STK10: variants seen among roughly 807,000 people sequenced by gnomAD.
STK10 encodes the protein serine/threonine-protein kinase 10.
Under a neutral mutation model 113.8 loss-of-function variants are expected in STK10, and 78 were observed. The observed-to-expected ratio is 0.69, with a 90% CI of 0.57 to 0.83. The LOEUF (loss-of-function observed/expected upper bound fraction) is 0.83. Among genes scored for constraint, STK10 ranks in the 40% least tolerant of loss-of-function variants. The pLI is 0.00. For synonymous variants in STK10, 465 were observed against 494.7 expected (o/e 0.94, Z 0.80); for missense variants, 1,109 against 1,280.1 (o/e 0.87, Z 2.04).
At position 172,096,441 on chromosome 5, in the gene STK10, G is replaced by A. The variant is rs199947150; in HGVS notation, c.990C>T (p.Ala330=). ...DGRDEGEEED[A]VDAASTLENH... ...CTGGCCTTACGGAGGCGGCATCCAC[G>A]GCGTCCTCCTCTTCCCCCTCATCCC... Residue 330 remains alanine (A), a synonymous_variant, in exon 8 of 19, where the codon GCC becomes GCT. Transcript: ENST00000176763. 1.5e-5 allele frequency: 24 copies of A among 1,612,730 alleles called. No individual in the cohort carries two copies. The East Asian group carries it at 2.0e-4, about 13-fold the overall frequency.
At chr5:172,182,585 G>A (rs1222171438) in intron 1 of STK10, among the ~76,000 whole-genome samples, 3 of 131,308 alleles carry the variant, frequency 2.3e-5, no homozygotes, top group African/African-American at 6.1e-5. Flanking sequence ...CGGAGTTTTC[G>A]CTCTTTCACC....
At chr5:172,160,841 G>A (rs1390034987) in intron 1 of STK10, among the ~76,000 whole-genome samples, 1 of 152,218 alleles carries the variant, frequency 6.6e-6, no homozygotes, top group Admixed American at 6.5e-5. Flanking sequence ...AACTAGGGGA[G>A]TGGCACCAGA....
chr5:172,052,860 C>T, intron 18 of STK10, 69 bp downstream of exon 18: 3 of 1,493,040 alleles, frequency 2.0e-6, no homozygotes, highest in Non-Finnish European at 2.8e-6. Context: ...CTAACATGTC[C>T]TGGCCAGAGG....
At chr5:172,087,860 C>T (rs1768607378) in intron 10 of STK10, among the ~76,000 whole-genome samples, 1 of 102,016 alleles carries the variant, frequency 9.8e-6, no homozygotes, top group African/African-American at 4.8e-5. Context: ...GATCTCCTGA[C>T]CTCATGATCC....
intron 1 of STK10, among the ~76,000 whole-genome samples, chr5:172,182,246 T>G (rs1205988979): frequency 7.4e-6 from 1 of 135,236 alleles, no homozygotes; most frequent in Non-Finnish European, 1.5e-5. Flanking sequence ...GAGGTTGCGG[T>G]GAGCTGAGAT....
Position 172,122,280 on chromosome 5 carries a change from C to T in STK10, c.371-4650G>A, listed in dbSNP as rs1168030488. Among the ~76,000 whole-genome samples the T allele has an allele frequency of 3.6e-4, 54 of 152,040 alleles. 2 individuals carry two copies. The highest frequency in any genetic ancestry group is 3.5e-3 in the Admixed American group (54 of 15,260). ...GATAAACATATTCAGTCATGGAACC[C>T]CCATCACAATTTAGATACAAAATCC... On this transcript the variant is annotated intron_variant, in intron 3 of 18. Transcript: ENST00000176763.
At chr5:172,071,600 T>C (rs1768182825) in intron 12 of STK10, among the ~76,000 whole-genome samples, 1 of 152,118 alleles carries the variant, frequency 6.6e-6, no homozygotes, top group Non-Finnish European at 1.5e-5. Context: ...CAGTGACAAA[T>C]GAACAAGCAT....
chr5:172,048,362 C>T (rs1054191885), intron 18 of STK10, among the ~76,000 whole-genome samples: 4 of 149,370 alleles, frequency 2.7e-5, no homozygotes, highest in Non-Finnish European at 5.9e-5. Context: ...CCCCCACAAT[C>T]GTGTAAGCCA....
rs746523491 is a variant in STK10 at position 172,093,787 on chromosome 5, G to C, written c.1179C>G (p.Pro393=). ...TCTCATTTCCAGGGGCCACGACTGG[G>C]GGACTGGTGGTTTGGAGGGATCTGT... ...SGDRSLQTTS[P]PVVAPGNENG... is the part of the protein sequence containing the mutation. The change falls in exon 9 of 19, where the codon CCC becomes CCG. Residue 393 remains proline (P), a synonymous_variant. Transcript: ENST00000176763. The surrounding 1 kb of genome is among the most constrained non-coding windows in gnomAD (Gnocchi z 4.1). 3.7e-6 allele frequency: 6 copies of C among 1,609,036 alleles called. No homozygotes were observed. The highest frequency in any genetic ancestry group is 2.2e-5 in the East Asian group (1 of 44,736).
At position 172,057,434 on chromosome 5, in the gene STK10, A is replaced by T; in HGVS notation, c.2252T>A (p.Leu751Gln). Residue 751 changes from leucine (L) to glutamine (Q), a missense_variant, in exon 15 of 19, where the codon CTG (leucine) becomes CAG (glutamine). Physicochemically the swap from Leu to Gln is moderately radical, Grantham distance 113. Transcript: ENST00000176763. ...AALWEMEEHQ[L>Q]QERHQLVKQQ... ...CTTCACCAGCTGGTGCCTCTCCTGC[A>T]GCTGGTGCTCTTCCATCTCCCACAG... 6.4e-7 allele frequency: 1 copy of T among 1,551,146 alleles called. No individual in the cohort carries two copies. Among genetic ancestry groups the T allele is most frequent in the Non-Finnish European group, 8.7e-7 (1 of 1,147,582 alleles).
chr5:172,183,654 A>C (rs1770901904), intron 1 of STK10, among the ~76,000 whole-genome samples: 1 of 151,912 alleles, frequency 6.6e-6, no homozygotes, highest in Non-Finnish European at 1.5e-5. Context: ...ATGGGGTTTT[A>C]CCATGTTGGC....
chr5:172,072,485 G>A (rs1045119036), intron 12 of STK10, among the ~76,000 whole-genome samples: 16 of 152,112 alleles, frequency 1.1e-4, no homozygotes, highest in African/African-American at 3.9e-4. Flanking sequence ...AGCCAGGATG[G>A]TCTCGATCTC....
chr5:172,078,691 A>T (rs1768363974), intron 12 of STK10, among the ~76,000 whole-genome samples: 1 of 151,436 alleles, frequency 6.6e-6, no homozygotes, highest in African/African-American at 2.4e-5. Flanking sequence ...TTCCATGAAA[A>T]CTTCTTGAAG....
intron 10 of STK10, among the ~76,000 whole-genome samples, chr5:172,086,657 G>A (rs189011886): frequency 5.3e-5 from 8 of 152,304 alleles, no homozygotes; most frequent in Admixed American, 1.3e-4. Flanking sequence ...CTCCAAAAAC[G>A]CCAGGGGTCA....
chr5:172,127,328 C>A, intron 3 of STK10, 45 bp downstream of exon 3: 1 of 1,610,546 alleles, frequency 6.2e-7, no homozygotes, highest in Non-Finnish European at 8.5e-7. Flanking sequence ...GGACTCCAAA[C>A]GAGTCGTCTG....
intron 1 of STK10, among the ~76,000 whole-genome samples, chr5:172,173,742 A>G (rs1280909993): frequency 6.6e-6 from 1 of 152,234 alleles, no homozygotes; most frequent in Non-Finnish European, 1.5e-5. Flanking sequence ...CAGGGCCTCA[A>G]GGCAATCTGC....
intron 4 of STK10, among the ~76,000 whole-genome samples, chr5:172,116,558 G>A (rs1769388462): frequency 6.6e-6 from 1 of 152,110 alleles, no homozygotes; most frequent in South Asian, 2.1e-4. Context: ...AAAATACAAA[G>A]AGGAGACATT....
At chr5:172,094,097 T>C in intron 8 of STK10, 137 bp from the exon 9 acceptor site, 2 of 573,032 alleles carry the variant, frequency 3.5e-6, no homozygotes, top group Non-Finnish European at 5.3e-6. Context: ...GATATCTCCC[T>C]AGCCAGTCTT....
At chr5:172,147,575 G>A (rs555927392) in intron 2 of STK10, among the ~76,000 whole-genome samples, 3 of 152,264 alleles carry the variant, frequency 2.0e-5, no homozygotes, top group South Asian at 2.1e-4. Context: ...TGTATTTTCA[G>A]TAGAGATGGG....
Sources: allele counts gnomAD v4.1 joint callset (sites outside exome capture counted in the v4.1 genomes callset), GRCh38; gene constraint gnomAD v4.1.1; non-coding constraint Gnocchi (gnomAD v3.1); transcripts MANE v1.5; gene names NCBI Gene and HGNC (gene_info 2026-07-23, HGNC 2026-07-21).